PXDN: variants seen among roughly 807,000 people sequenced by gnomAD.
PXDN encodes peroxidasin.
In PXDN, 77 loss-of-function variants were observed where a neutral mutation model predicts 140.3. The observed-to-expected ratio is 0.55, with a 90% CI of 0.46 to 0.66. The LOEUF (loss-of-function observed/expected upper bound fraction) is 0.66. PXDN is among the 30% of genes least tolerant of loss of function. PXDN has a pLI of 0.00. For synonymous variants in PXDN, 911 were observed against 857.4 expected, an observed-to-expected ratio of 1.06 and a Z score of -1.09; for missense variants, 1,838 against 2,039.5, an observed-to-expected ratio of 0.90 and a Z score of 1.90.
At position 1,648,315 on chromosome 2, in the gene PXDN, C is replaced by T. The variant is rs755938942; in HGVS notation, c.3465G>A (p.Ala1155=). ...SMAHTVALDL[A]AINIQRGRDH... ...CCCGGCCCCGCTGGATGTTGATGGC[C>T]GCCAGGTCCAGAGCCACCGTGTGTG... The change falls in exon 17 of 23, where the codon GCG becomes GCA. Residue 1155 remains alanine, a synonymous_variant. Coordinates refer to ENST00000252804, the MANE Select transcript of PXDN (RefSeq NM_012293.3). This position sits in a 1 kb window ranked among gnomAD's most constrained non-coding sequence, Gnocchi z 8.9. The T allele has an allele frequency of 1.7e-5, 28 of 1,613,748 alleles. No homozygotes were observed. The highest frequency in any genetic ancestry group is 4.4e-5 in the South Asian group (4 of 91,076).
Position 1,658,866 on chromosome 2 carries a change from A to G in PXDN, c.1837+2015T>C, listed in dbSNP as rs1683236833. ...CGCGGCTCCCTCTGCTCAGAATTCA[A>G]TACGCAGGCGAGTGCTGACCACCTC... is the stretch of plus-strand genomic sequence containing the variant. On this transcript the variant is annotated intron_variant, in intron 14 of 22. Coordinates refer to ENST00000252804, the MANE Select transcript of PXDN (RefSeq NM_012293.3). 2.0e-5 allele frequency among the ~76,000 whole-genome samples: 3 copies of G among 150,200 alleles called. No homozygotes were observed. The South Asian group carries it at 6.4e-4, about 32-fold the overall frequency.
rs1327717032 is a variant in PXDN at position 1,680,315 on chromosome 2, A to T, written c.608T>A (p.Leu203Ter). ...CGCGTAGGTTTTCAGCAAATCCGCC[A>T]ACCACAGGATTTCACAGTCGCAGTG... ...TLHCDCEILW[L>*]ADLLKTYAES... The change falls in exon 7 of 23, where the codon TTG (leucine) becomes TAG (stop). Residue 203 changes from leucine (L) to a stop codon, truncating the protein, a stop_gained. Transcript: ENST00000252804. LOFTEE classifies it high-confidence loss of function. 1 of 1,614,040 alleles carries T rather than the reference A, an allele frequency of 6.2e-7. No homozygotes were observed.
chr2:1,687,792 C>T lies in PXDN; in HGVS notation c.345-89G>A. The T allele has an allele frequency of 1.0e-6, 1 of 1,002,624 alleles. No homozygotes were observed. Among genetic ancestry groups the T allele is most frequent in the Non-Finnish European group, 1.5e-6 (1 of 669,534 alleles). 62.1% of individuals were successfully genotyped at this position (1,002,624 alleles called of 1,614,324 possible). ...GAAGAATTAAATTGACACATGGAGA[C>T]AGTTTTACAATTAATGACTGTATTA... On this transcript the variant is annotated intron_variant, in intron 3 of 22. Transcript: ENST00000252804. The surrounding 1 kb of genome is among the most constrained non-coding windows in gnomAD (Gnocchi z 4.0).
At chr2:1,671,817 G>A (rs994849976) in intron 9 of PXDN, among the ~76,000 whole-genome samples, 1 of 152,084 alleles carries the variant, frequency 6.6e-6, no homozygotes, top group Non-Finnish European at 1.5e-5. Flanking sequence ...AAGTTTTGAA[G>A]GCCACACAGG....
intron 1 of PXDN, among the ~76,000 whole-genome samples, chr2:1,700,747 C>T (rs1017349266): frequency 2.0e-5 from 3 of 152,002 alleles, no homozygotes; most frequent in Non-Finnish European, 2.9e-5. Context: ...TGGTGGCGCA[C>T]ACCTGTAATC....
intron 8 of PXDN, among the ~76,000 whole-genome samples, chr2:1,674,832 C>T (rs1683658690): frequency 6.6e-6 from 1 of 152,168 alleles, no homozygotes; most frequent in Non-Finnish European, 1.5e-5. Flanking sequence ...CAGAAACCCA[C>T]TTCCTCAGTG....
intron 6 of PXDN, among the ~76,000 whole-genome samples, chr2:1,683,331 G>C (rs879285071): frequency 2.6e-5 from 4 of 152,116 alleles, no homozygotes; most frequent in African/African-American, 7.2e-5. Flanking sequence ...TGGGAGAATT[G>C]CTTGAGCCCG....
chr2:1,678,573 A>G (rs975832794), intron 7 of PXDN, among the ~76,000 whole-genome samples: 2 of 152,230 alleles, frequency 1.3e-5, no homozygotes, highest in African/African-American at 4.8e-5. Context: ...GAAGGCCATG[A>G]GTCGGTTTCT....
intron 1 of PXDN, among the ~76,000 whole-genome samples, chr2:1,719,683 C>T (rs2125477861): frequency 6.6e-6 from 1 of 152,312 alleles, no homozygotes; most frequent in African/African-American, 2.4e-5. Flanking sequence ...CAGTGACTAG[C>T]ACATGGACCA....
intron 1 of PXDN, among the ~76,000 whole-genome samples, chr2:1,717,145 G>A (rs1255269566): frequency 2.0e-5 from 3 of 152,170 alleles, no homozygotes; most frequent in South Asian, 2.1e-4. Context: ...CAAATCTGAC[G>A]TCTAGAAACG....
chr2:1,711,564 C>G (rs1684782708), intron 1 of PXDN, among the ~76,000 whole-genome samples: 1 of 116,818 alleles, frequency 8.6e-6, no homozygotes, highest in African/African-American at 3.9e-5. Context: ...CCACCAGCAT[C>G]CACTCTCCAC....
intron 9 of PXDN, among the ~76,000 whole-genome samples, chr2:1,673,174 T>C (rs1683616266): frequency 6.6e-6 from 1 of 152,260 alleles, no homozygotes; most frequent in Non-Finnish European, 1.5e-5. Context: ...TTAAATGTTT[T>C]AAATTTAGGT....
chr2:1,675,172 C>T (rs79876721), intron 8 of PXDN, among the ~76,000 whole-genome samples: 1 of 152,096 alleles, frequency 6.6e-6, no homozygotes, highest in African/African-American at 2.4e-5. Flanking sequence ...CAATCCCCCC[C>T]ACCAGAAACA....
rs1203116917 is a variant in PXDN, at chr2:1,679,996, GTA to G, written c.730+195_730+196del. ...TCTGTAAATGGTGTGTGTGTAAATG[GTA>G]TGTGTGTGTGTGGATGGTGTATGCG... is the stretch of plus-strand genomic sequence containing the variant. On this transcript the variant is annotated intron_variant, in intron 7 of 22. Coordinates refer to ENST00000252804, the MANE Select transcript of PXDN (RefSeq NM_012293.3). Among the ~76,000 whole-genome samples the G allele has an allele frequency of 2.8e-3, 362 of 128,812 alleles. 2 individuals carry two copies. The highest frequency in any genetic ancestry group is 0.01 in the African/African-American group (342 of 33,962). The allele number at this position is 128,812 out of a possible 152,430, so 84.5% of individuals were successfully genotyped here.
At chr2:1,650,183 G>A (rs953308161) in intron 16 of PXDN, among the ~76,000 whole-genome samples, 9 of 152,138 alleles carry the variant, frequency 5.9e-5, no homozygotes, top group East Asian at 1.9e-4. Context: ...TTCCCTCAAC[G>A]TCCAAAAGAG....
chr2:1,692,643 A>C, intron 2 of PXDN: 1 of 472,516 alleles, frequency 2.1e-6, no homozygotes, highest in South Asian at 1.5e-5. Context: ...TGCTCCCTCC[A>C]GGCATCATGG....
intron 1 of PXDN, among the ~76,000 whole-genome samples, chr2:1,718,737 T>C (rs1271250678): frequency 6.6e-6 from 1 of 152,222 alleles, no homozygotes; most frequent in East Asian, 1.9e-4. Flanking sequence ...GGCTGCTGGA[T>C]CTCCAGGCCT....
Position 1,686,927 on chromosome 2 carries a change from C to T in PXDN, c.416+705G>A, listed in dbSNP as rs532484243. On this transcript the variant is annotated intron_variant, in intron 4 of 22. Transcript: ENST00000252804. ...GCTGCTTTCATCCACATTCCTAAAA[C>T]CGTGACAAATTGCAGCTCCTCAGGA... Among the ~76,000 whole-genome samples the T allele has an allele frequency of 3.0e-3, 460 of 152,332 alleles. 3 individuals carry two copies. The highest frequency in any genetic ancestry group is 5.4e-3 in the Non-Finnish European group (366 of 68,030).
At chr2:1,686,785 C>T (rs185383534) in intron 4 of PXDN, among the ~76,000 whole-genome samples, 9 of 152,204 alleles carry the variant, frequency 5.9e-5, no homozygotes, top group Non-Finnish European at 1.2e-4. Context: ...TGGTCTCCCC[C>T]CTGCACCGCT....
Sources: gnomAD v4.1 joint callset for allele counts (sites outside exome capture counted in the v4.1 genomes callset) on GRCh38, gnomAD v4.1.1 for gene constraint, Gnocchi (gnomAD v3.1) non-coding constraint, MANE v1.5 for transcripts, NCBI Gene and HGNC (gene_info 2026-07-23, HGNC 2026-07-21) for gene names.